The following TEX2 variants were observed in gnomAD, a reference collection of about 807,000 sequenced individuals.
The protein encoded by TEX2 is testis-expressed protein 2.
TEX2 carries 53 observed loss-of-function variants against 106.9 expected under a neutral mutation model. The ratio of observed to expected loss-of-function variants is 0.50; its 90% CI spans 0.40 to 0.62. TEX2 has a LOEUF of 0.62. TEX2 is among the 20% of genes least tolerant of loss of function. The pLI is 0.00. For synonymous variants in TEX2, 523 were observed against 534.8 expected (o/e 0.98, Z 0.30); for missense variants, 1,207 against 1,379.0 (o/e 0.88, Z 1.98).
chr17:64,161,264 C>A (rs12601698), intron 7 of TEX2, among the ~76,000 whole-genome samples: 50 of 152,124 alleles, frequency 3.3e-4, no homozygotes, highest in African/African-American at 8.0e-4. Flanking sequence ...ATATGCCTAG[C>A]GGAAGAAAAT....
At chr17:64,175,070 T>C (rs1183284704) in intron 6 of TEX2, among the ~76,000 whole-genome samples, 1 of 152,246 alleles carries the variant, frequency 6.6e-6, no homozygotes, top group Non-Finnish European at 1.5e-5. Flanking sequence ...ATTTTGGCTC[T>C]TGACTGGCTA....
rs1226155581 is a variant in TEX2, at chr17:64,205,566, C to T, written c.1644+7008G>A. 1.3e-5 allele frequency among the ~76,000 whole-genome samples: 2 copies of T among 152,092 alleles called. No homozygotes were observed. The highest frequency in any genetic ancestry group is 2.4e-5 in the African/African-American group (1 of 41,398). On this transcript the variant is annotated intron_variant, in intron 2 of 11. Transcript: ENST00000584379. The surrounding 1 kb of genome is among the most constrained non-coding windows in gnomAD (Gnocchi z 4.0). ...TGTAATGGCCATTTTCTCCTAAAGACTTGCTTACTCTAATTTCTTGAAAGA... is the reference window on the plus strand; with the variant it reads ...TGTAATGGCCATTTTCTCCTAAAGATTTGCTTACTCTAATTTCTTGAAAGA...
chr17:64,228,413 CTGA>C (rs1555634170), intron 1 of TEX2, among the ~76,000 whole-genome samples: 2 of 152,140 alleles, frequency 1.3e-5, no homozygotes, highest in African/African-American at 4.8e-5. Context: ...AGTGGAAGCC[CTGA>C]GCTTGTTTTC....
intron 7 of TEX2, among the ~76,000 whole-genome samples, chr17:64,167,377 C>T (rs2031185513): frequency 6.6e-6 from 1 of 152,128 alleles, no homozygotes; most frequent in African/African-American, 2.4e-5. Context: ...TGCTAAATGC[C>T]CTAACAGCAG....
chr17:64,177,867 G>A (rs2031677176), intron 5 of TEX2, among the ~76,000 whole-genome samples: 1 of 152,190 alleles, frequency 6.6e-6, no homozygotes, highest in South Asian at 2.1e-4. Context: ...TCAAGCTGGT[G>A]CTCATCCGGG....
chr17:64,245,488 G>A lies in TEX2; in HGVS notation c.-26+17680C>T, dbSNP rs192802573. On this transcript the variant is annotated intron_variant, in intron 1 of 11. Coordinates refer to ENST00000584379, the MANE Select transcript of TEX2 (RefSeq NM_001288732.2). ...AAATTCCTTAACCATTTGTCATCGT[G>A]TATGTGAACGCTCATCTAGAGACCT... 3.2e-4 allele frequency among the ~76,000 whole-genome samples: 49 copies of A among 152,278 alleles called. No homozygotes were observed. The East Asian group carries it at 8.7e-3, about 27-fold the overall frequency.
chr17:64,154,797 C>A (rs1598114803), intron 9 of TEX2, 45 bp downstream of exon 9: 2 of 1,519,316 alleles, frequency 1.3e-6, no homozygotes, highest in East Asian at 4.9e-5. Context: ...ACTTGCTGTC[C>A]TGATCCCTGG....
At chr17:64,243,074 G>A (rs1445024315) in intron 1 of TEX2, among the ~76,000 whole-genome samples, 1 of 151,814 alleles carries the variant, frequency 6.6e-6, no homozygotes. Context: ...GACTACAGGC[G>A]CACACCACCA....
intron 5 of TEX2, among the ~76,000 whole-genome samples, chr17:64,182,541 G>A (rs1403467099): frequency 6.6e-6 from 1 of 152,052 alleles, no homozygotes; most frequent in African/African-American, 2.4e-5. Context: ...GAGTTGTGTA[G>A]CTATCACCAC....
chr17:64,243,543 G>A (rs2033931294), intron 1 of TEX2, among the ~76,000 whole-genome samples: 2 of 152,170 alleles, frequency 1.3e-5, no homozygotes, highest in South Asian at 4.1e-4. Flanking sequence ...CTGGCTGGCA[G>A]GTTCCAGCTC....
intron 1 of TEX2, among the ~76,000 whole-genome samples, chr17:64,241,229 G>C (rs1281436563): frequency 3.9e-5 from 6 of 152,230 alleles, no homozygotes; most frequent in Non-Finnish European, 7.3e-5. Context: ...ATGTCTGGCA[G>C]CTAGGTTCAG....
intron 7 of TEX2, among the ~76,000 whole-genome samples, chr17:64,162,065 C>T (rs2030914120): frequency 6.6e-6 from 1 of 152,104 alleles, no homozygotes; most frequent in African/African-American, 2.4e-5. Context: ...TTGTTTTCAA[C>T]AAATTCTTTT....
At chr17:64,149,118 A>C in intron 11 of TEX2, 27 bp from the exon 12 acceptor site, 1 of 1,609,866 alleles carries the variant, frequency 6.2e-7, no homozygotes, top group Non-Finnish European at 8.5e-7. Context: ...AAGAACAGCT[A>C]TGTGGAAGAA....
intron 1 of TEX2, among the ~76,000 whole-genome samples, chr17:64,221,732 C>A (rs562925533): frequency 6.6e-6 from 1 of 152,308 alleles, no homozygotes; most frequent in East Asian, 1.9e-4. Context: ...TTTGCACACC[C>A]ATGTTCACAG....
chr17:64,217,887 C>A lies in TEX2; in HGVS notation c.-25-3645G>T, dbSNP rs932387300. Among the ~76,000 whole-genome samples, 1 of 152,126 alleles carries A rather than the reference C, an allele frequency of 6.6e-6. No homozygotes were observed. Among genetic ancestry groups the A allele is most frequent in the Non-Finnish European group, 1.5e-5 (1 of 68,024 alleles). On this transcript the variant is annotated intron_variant, in intron 1 of 11. Coordinates refer to ENST00000584379, the MANE Select transcript of TEX2 (RefSeq NM_001288732.2). The surrounding 1 kb of genome is among the most constrained non-coding windows in gnomAD (Gnocchi z 4.3). ...CGCCAGGCTCCCATAGGTATGATTT[C>A]GTGCTGGAGAGGTGTTTAAGCAAAA...
Position 64,213,841 on chromosome 17 carries a change from A to G in TEX2, c.377T>C (p.Val126Ala), listed in dbSNP as rs2033102403. The G allele has an allele frequency of 6.2e-7, 1 of 1,614,046 alleles. No individual in the cohort carries two copies. Among genetic ancestry groups the G allele is most frequent in the African/African-American group, 1.3e-5 (1 of 74,904 alleles). Residue 126 changes from valine to alanine, a missense_variant, in exon 2 of 12, where the codon GTA (valine) becomes GCA (alanine). By Grantham distance (64) the Val-to-Ala change is moderately conservative. Coordinates refer to ENST00000584379, the MANE Select transcript of TEX2 (RefSeq NM_001288732.2). This position sits in a 1 kb window ranked among gnomAD's most constrained non-coding sequence, Gnocchi z 4.4. Reference sequence around the variant, plus strand: ...CACAGCCAATGGCACTGTACTTAATACTTGTGCTGCTGGAACAGGGGACTC... The same window carrying G: ...CACAGCCAATGGCACTGTACTTAATGCTTGTGCTGCTGGAACAGGGGACTC... ...LLESPVPAAQ[V>A]LSTVPLAVSP...
At chr17:64,171,225 T>C in intron 6 of TEX2, 26 bp from the exon 7 acceptor site, 1 of 1,572,898 alleles carries the variant, frequency 6.4e-7, no homozygotes, top group Non-Finnish European at 8.7e-7. Context: ...AAACAATGAG[T>C]GAGACCCATG....
chr17:64,200,141 T>G (rs1197350865), intron 2 of TEX2, among the ~76,000 whole-genome samples: 1 of 152,188 alleles, frequency 6.6e-6, no homozygotes. Flanking sequence ...GAAAAACTCA[T>G]AGTTCTATAG....
intron 10 of TEX2, 35 bp downstream of exon 10, chr17:64,152,910 G>A (rs1381925916): frequency 6.3e-7 from 1 of 1,593,742 alleles, no homozygotes; most frequent in East Asian, 2.2e-5. Flanking sequence ...GCAATAGGAG[G>A]AATCACTTAT....
Sources: allele counts gnomAD v4.1 joint callset (sites outside exome capture counted in the v4.1 genomes callset), GRCh38; gene constraint gnomAD v4.1.1; non-coding constraint Gnocchi (gnomAD v3.1); transcripts MANE v1.5; gene names NCBI Gene and HGNC (gene_info 2026-07-23, HGNC 2026-07-21).